Variants in REL observed in about 807,000 individuals in gnomAD.
REL encodes proto-oncogene c-Rel.
REL carries 15 observed loss-of-function variants against 45.9 expected under a neutral mutation model. The observed-to-expected ratio is 0.33, with a 90% CI of 0.22 to 0.50. REL has a LOEUF of 0.50. REL is among the 20% of genes least tolerant of loss of function. The pLI is 0.98. For synonymous variants in REL, 239 were observed against 242.1 expected (o/e 0.99, Z 0.12); for missense variants, 601 against 715.2 (o/e 0.84, Z 1.82).
intron 1 of REL, among the ~76,000 whole-genome samples, chr2:60,885,458 T>A (rs936111541): frequency 2.6e-5 from 4 of 152,216 alleles, no homozygotes; most frequent in Non-Finnish European, 5.9e-5. Flanking sequence ...TCCCCCTTGG[T>A]AACAGAATCC....
Position 60,920,622 on chromosome 2 carries a change from A to G in REL, c.971A>G (p.Glu324Gly). 1 of 1,601,422 alleles carries G rather than the reference A, an allele frequency of 6.2e-7. No individual in the cohort carries two copies. The change falls in exon 9 of 10, where the codon GAA becomes GGA. Residue 324 changes from glutamate (E) to glycine (G), a missense_variant. This residue lies in a region of REL where 334 missense variants were observed against 333.1 expected (regional missense o/e 1.00). Coordinates refer to ENST00000394479, the MANE Select transcript of REL (RefSeq NM_001291746.2). ...CCTGGTCTCCTCGGTTCAATTGGAG[A>G]AGGAAGATACTTCAAAAAAGGTATT... ...PRPGLLGSIG[E>G]GRYFKKEPNL...
At chr2:60,892,750 A>T (rs1640682741) in intron 2 of REL, among the ~76,000 whole-genome samples, 2 of 151,334 alleles carry the variant, frequency 1.3e-5, no homozygotes, top group South Asian at 4.2e-4. Context: ...AAATTTATTT[A>T]TTTTTTTATT....
chr2:60,886,808 T>C (rs753890803), intron 1 of REL, among the ~76,000 whole-genome samples: 8 of 152,192 alleles, frequency 5.3e-5, no homozygotes, highest in Non-Finnish European at 8.8e-5. Flanking sequence ...AAAATAGCAC[T>C]CTTTCTTGCC....
At chr2:60,902,412 G>A (rs567966831) in intron 4 of REL, among the ~76,000 whole-genome samples, 2 of 151,812 alleles carry the variant, frequency 1.3e-5, no homozygotes, top group Non-Finnish European at 2.9e-5. Context: ...TACATGTGTA[G>A]TTATATGTAG....
chr2:60,926,311 C>T lies in REL; in HGVS notation c.*3776C>T. On this transcript the variant is annotated 3_prime_UTR_variant, in exon 10 of 10. Transcript: ENST00000394479. ...CTGACTTCTGAAATGCCTCCAGCCT[C>T]CATTTTCTCCCTTCCCAGTTATTCC... is the stretch of plus-strand genomic sequence containing the variant. The T allele has an allele frequency of 4.3e-6, 1 of 232,262 alleles. No individual in the cohort carries two copies. The highest frequency in any genetic ancestry group is 6.0e-5 in the East Asian group (1 of 16,600). 14.4% of individuals were successfully genotyped at this position (232,262 alleles called of 1,614,324 possible).
chr2:60,926,935 T>G lies in REL; in HGVS notation c.*4400T>G, dbSNP rs2103998434. 1 of 225,878 alleles carries G rather than the reference T, an allele frequency of 4.4e-6. No homozygotes were observed. Among genetic ancestry groups the G allele is most frequent in the South Asian group, 1.8e-4 (1 of 5,466 alleles). 14.0% of individuals were successfully genotyped at this position (225,878 alleles called of 1,614,324 possible). A position where few individuals can be genotyped will look rare whatever the true frequency, so the allele number is the denominator to read the frequency against. On this transcript the variant is annotated 3_prime_UTR_variant, in exon 10 of 10. Transcript: ENST00000394479. ...TTCTCCCTATTCCTTATTACATAGC[T>G]AGCATTCCTTGAAAAAAAACAATTC...
intron 3 of REL, among the ~76,000 whole-genome samples, chr2:60,895,805 C>G (rs1272302490): frequency 6.6e-6 from 1 of 152,162 alleles, no homozygotes; most frequent in Admixed American, 6.5e-5. Context: ...ACATTATGCT[C>G]TAATGCTGTT....
At position 60,923,090 on chromosome 2, in the gene REL, T is replaced by C. The variant is rs1355889023; in HGVS notation, c.*555T>C. On this transcript the variant is annotated 3_prime_UTR_variant, in exon 10 of 10. Transcript: ENST00000394479. Reference sequence around the variant, plus strand: ...ACACACTTTTTTATATTTCTTTTTATAATGTTTTAATGTATTCTTAAATTT... The same window carrying C: ...ACACACTTTTTTATATTTCTTTTTACAATGTTTTAATGTATTCTTAAATTT... The C allele has an allele frequency of 1.7e-5, 3 of 179,678 alleles. No individual in the cohort carries two copies. Among genetic ancestry groups the C allele is most frequent in the Non-Finnish European group, 3.6e-5 (3 of 83,988 alleles). 11.1% of individuals were successfully genotyped at this position (179,678 alleles called of 1,614,324 possible).
chr2:60,930,731 T>G lies in REL; in HGVS notation c.*8196T>G, dbSNP rs1444031945. 6.6e-6 allele frequency: 1 copy of G among 152,370 alleles called. No homozygotes were observed. Among genetic ancestry groups the G allele is most frequent in the Non-Finnish European group, 1.5e-5 (1 of 68,026 alleles). The allele number at this position is 152,370 out of a possible 1,614,324, so 9.4% of individuals were successfully genotyped here. On this transcript the variant is annotated 3_prime_UTR_variant, in exon 10 of 10. Transcript: ENST00000394479. ...TCTATTTATTCTAAATGTCTGTGGC[T>G]TTAGGAAAATACCACCAGCTAGTAC...
chr2:60,920,445 C>A (rs777504332), intron 8 of REL, 129 bp from the exon 9 acceptor site: 5 of 728,936 alleles, frequency 6.9e-6, no homozygotes, highest in Non-Finnish European at 1.2e-5. Flanking sequence ...AGGTGATCCA[C>A]CCACCTTGGC....
intron 2 of REL, among the ~76,000 whole-genome samples, chr2:60,894,027 T>C (rs1673286885): frequency 6.6e-6 from 1 of 152,218 alleles, no homozygotes; most frequent in African/African-American, 2.4e-5. Context: ...CTTAAATATA[T>C]TTTCAAGGAA....
intron 3 of REL, 150 bp from the exon 4 acceptor site, chr2:60,900,842 C>A: frequency 1.5e-6 from 1 of 683,570 alleles, no homozygotes; most frequent in South Asian, 1.9e-5. Flanking sequence ...ACTTCTTACT[C>A]TCTCATCTTT....
At chr2:60,906,445 T>A (rs1158333592) in intron 4 of REL, among the ~76,000 whole-genome samples, 1 of 152,210 alleles carries the variant, frequency 6.6e-6, no homozygotes, top group Non-Finnish European at 1.5e-5. Flanking sequence ...CTGATGCAAG[T>A]GATCCACAGA....
rs529735787 is a variant in REL at position 60,903,855 on chromosome 2, A to G, written c.394+2772A>G. 4.7e-4 allele frequency among the ~76,000 whole-genome samples: 72 copies of G among 151,816 alleles called. 1 individual carries two copies. Among genetic ancestry groups the G allele is most frequent in the African/African-American group, 1.6e-3 (68 of 41,406 alleles). On this transcript the variant is annotated intron_variant, in intron 4 of 9. Coordinates refer to ENST00000394479, the MANE Select transcript of REL (RefSeq NM_001291746.2). ...CAGAGTTTCTGTATTTTTTGTAGAG[A>G]TGGGTTTTGCCATATTCTCCAGGCT...
chr2:60,902,854 G>T (rs1429783050), intron 4 of REL, among the ~76,000 whole-genome samples: 1 of 152,100 alleles, frequency 6.6e-6, no homozygotes, highest in Non-Finnish European at 1.5e-5. Context: ...CTTCTAAAGT[G>T]CTGGGATTAC....
Position 60,927,702 on chromosome 2 carries a change from A to T in REL, c.*5167A>T, listed in dbSNP as rs992080705. On this transcript the variant is annotated 3_prime_UTR_variant, in exon 10 of 10. Transcript: ENST00000394479. Reference sequence around the variant, plus strand: ...AAGACAAAAACTCTTGCTCTCAAAGATGTCAGTCTTTTTCTTTGCAAGGAT... The same window carrying T: ...AAGACAAAAACTCTTGCTCTCAAAGTTGTCAGTCTTTTTCTTTGCAAGGAT... The T allele has an allele frequency of 1.7e-5, 4 of 229,364 alleles. No individual in the cohort carries two copies. The highest frequency in any genetic ancestry group is 8.9e-5 in the African/African-American group (4 of 45,096). The allele number at this position is 229,364 out of a possible 1,614,324, so 14.2% of individuals were successfully genotyped here. A position where few individuals can be genotyped will look rare whatever the true frequency, so the allele number is the denominator to read the frequency against.
Position 60,881,586 on chromosome 2 carries a change from C to G in REL, c.-255C>G. The G allele has an allele frequency of 2.0e-6, 1 of 491,478 alleles. No individual in the cohort carries two copies. The highest frequency in any genetic ancestry group is 2.7e-5 in the South Asian group (1 of 37,410). The allele number at this position is 491,478 out of a possible 1,614,324, so 30.4% of individuals were successfully genotyped here. A position where few individuals can be genotyped will look rare whatever the true frequency, so the allele number is the denominator to read the frequency against. On this transcript the variant is annotated 5_prime_UTR_variant, in exon 1 of 10. Transcript: ENST00000394479. Reference sequence around the variant, plus strand: ...CGGCTGGGCCAGCACTCGGCTCTCCCCGCTCCGCCCCCTGCCCCTGGCTCC... The same window carrying G: ...CGGCTGGGCCAGCACTCGGCTCTCCGCGCTCCGCCCCCTGCCCCTGGCTCC...
intron 4 of REL, among the ~76,000 whole-genome samples, chr2:60,912,668 A>G (rs929161297): frequency 6.6e-6 from 1 of 152,176 alleles, no homozygotes; most frequent in African/African-American, 2.4e-5. Flanking sequence ...CTTCTAAGCT[A>G]TAAAAGACAA....
At chr2:60,903,368 T>C (rs937753499) in intron 4 of REL, among the ~76,000 whole-genome samples, 5 of 152,144 alleles carry the variant, frequency 3.3e-5, no homozygotes, top group African/African-American at 1.2e-4. Flanking sequence ...TGGAATTTCT[T>C]TTTCTTAGTT....
Sources: allele counts gnomAD v4.1 joint callset (sites outside exome capture counted in the v4.1 genomes callset), GRCh38; gene constraint gnomAD v4.1.1; regional missense constraint gnomAD v4.1.1; transcripts MANE v1.5; gene names NCBI Gene and HGNC (gene_info 2026-07-23, HGNC 2026-07-21).